Variants in SRP54 observed in about 807,000 individuals in gnomAD.
SRP54 encodes the protein signal recognition particle subunit SRP54.
Under a neutral mutation model 64.8 loss-of-function variants are expected in SRP54, and 10 were observed. That is an observed-to-expected ratio of 0.15 (90% CI 0.10 to 0.26). The LOEUF (loss-of-function observed/expected upper bound fraction) is 0.26, where lower values mean the gene tolerates loss of function less well. Ranked by LOEUF, SRP54 falls within the 10% of genes least tolerant of loss-of-function variation. The probability of loss-of-function intolerance (pLI) is 1.00; values close to 1 mark genes in which losing one functional copy is unlikely to be tolerated. For missense variants in SRP54, 325 were observed against 613.7 expected (o/e 0.53, Z 4.97); for synonymous variants, 193 against 185.6 (o/e 1.04, Z -0.32).
At chr14:35,019,301 G>T in intron 13 of SRP54, 1 of 348,944 alleles carries the variant, frequency 2.9e-6, no homozygotes, top group Non-Finnish European at 5.4e-6. Flanking sequence ...TGAGTTACAA[G>T]GAAAGAACAC....
intron 2 of SRP54, among the ~76,000 whole-genome samples, chr14:34,997,791 A>G (rs12435454): frequency 0.17 from 26,009 of 152,080 alleles, 2,398 homozygotes; most frequent in East Asian, 0.31. Context: ...TTTTTTTCCT[A>G]GTTCCTCATA....
At chr14:35,009,680 CAAAG>C (rs2044324183) in intron 7 of SRP54, among the ~76,000 whole-genome samples, 1 of 151,972 alleles carries the variant, frequency 6.6e-6, no homozygotes, top group African/African-American at 2.4e-5. Context: ...AACATAGTGT[CAAAG>C]AAGAAACATT....
chr14:35,020,164 G>A (rs180897428), intron 13 of SRP54, among the ~76,000 whole-genome samples: 17 of 151,836 alleles, frequency 1.1e-4, no homozygotes, highest in East Asian at 3.9e-4. Flanking sequence ...CAGCCTGGGC[G>A]ACAGAGTGAG....
At chr14:34,986,660 A>G (rs1417957750) in intron 1 of SRP54, among the ~76,000 whole-genome samples, 1 of 152,052 alleles carries the variant, frequency 6.6e-6, no homozygotes, top group Non-Finnish European at 1.5e-5. Flanking sequence ...CGGGTGGATC[A>G]TGATGTCAGG....
At chr14:35,015,217 C>T (rs45531432) in intron 11 of SRP54, among the ~76,000 whole-genome samples, 25,968 of 152,016 alleles carry the variant, frequency 0.17, 2,395 homozygotes, top group East Asian at 0.31. Context: ...GCTGGGATTA[C>T]GGGCACGTAC....
In SRP54 at chr14:35,014,762, G is replaced by A. The variant is rs1375522228; in HGVS notation, c.905G>A (p.Gly302Glu). Reference protein sequence around the residue: ...SKLLGMGDIEGLIDKVNELKL... With the variant: ...SKLLGMGDIEELIDKVNELKL... ...CTTATAGGTATGGGCGACATTGAAGGACTGATAGATAAAGTCAACGAGTTG... is the reference window on the plus strand; with the variant it reads ...CTTATAGGTATGGGCGACATTGAAGAACTGATAGATAAAGTCAACGAGTTG... Residue 302 changes from glycine (G) to glutamate (E), a missense_variant, in exon 11 of 16, where the codon GGA (glycine) becomes GAA (glutamate). Coordinates refer to ENST00000216774, the MANE Select transcript of SRP54 (RefSeq NM_003136.4). 6.2e-7 allele frequency: 1 copy of A among 1,613,676 alleles called. No homozygotes were observed. The highest frequency in any genetic ancestry group is 8.5e-7 in the Non-Finnish European group (1 of 1,179,946).
chr14:34,998,969 GTGTA>G (rs200571057), intron 2 of SRP54, among the ~76,000 whole-genome samples: 2,344 of 81,320 alleles, frequency 0.029, 136 homozygotes, highest in South Asian at 0.068. Flanking sequence ...ATTACTTTGT[GTGTA>G]TGTGTGTGTG....
intron 7 of SRP54, among the ~76,000 whole-genome samples, chr14:35,009,872 A>G (rs1042358035): frequency 6.6e-6 from 1 of 152,102 alleles, no homozygotes; most frequent in Non-Finnish European, 1.5e-5. Flanking sequence ...TACAAAAAAT[A>G]AATTTAAAAA....
chr14:34,998,587 G>A (rs1284078540), intron 2 of SRP54, among the ~76,000 whole-genome samples: 2 of 151,944 alleles, frequency 1.3e-5, no homozygotes, highest in Non-Finnish European at 2.9e-5. Context: ...TGAGGCGGGC[G>A]GATCACCTGA....
intron 13 of SRP54, 28 bp downstream of exon 13, chr14:35,019,102 C>A: frequency 6.7e-7 from 1 of 1,501,254 alleles, no homozygotes. Flanking sequence ...TTTCCTCAGG[C>A]AAAAATGTTC....
intron 11 of SRP54, among the ~76,000 whole-genome samples, chr14:35,017,712 A>G (rs1272818139): frequency 6.6e-6 from 1 of 152,238 alleles, no homozygotes; most frequent in Non-Finnish European, 1.5e-5. Flanking sequence ...CTCAAATCCT[A>G]AGGATACCTT....
At chr14:34,996,836 C>T in intron 2 of SRP54, 49 bp downstream of exon 2, 1 of 1,299,882 alleles carries the variant, frequency 7.7e-7, no homozygotes, top group Non-Finnish European at 1.1e-6. Context: ...TTGTCACTAG[C>T]ATTGGGAAGA....
intron 1 of SRP54, among the ~76,000 whole-genome samples, chr14:34,985,894 G>A (rs2043887708): frequency 1.3e-5 from 2 of 152,102 alleles, no homozygotes; most frequent in South Asian, 4.1e-4. Context: ...TTGAAATAAC[G>A]CATTGCTTGA....
At chr14:35,010,128 A>G (rs2044332051) in intron 7 of SRP54, among the ~76,000 whole-genome samples, 1 of 151,642 alleles carries the variant, frequency 6.6e-6, no homozygotes, top group African/African-American at 2.4e-5. Context: ...AGCCTGGGTG[A>G]CAGAGCTAGA....
chr14:35,010,953 T>A (rs1371764182), intron 7 of SRP54, among the ~76,000 whole-genome samples: 1 of 152,216 alleles, frequency 6.6e-6, no homozygotes, highest in Non-Finnish European at 1.5e-5. Context: ...CATGCCATGG[T>A]CTTGCTCTGT....
At chr14:35,006,371 C>T (rs951185034) in intron 4 of SRP54, among the ~76,000 whole-genome samples, 11 of 152,222 alleles carry the variant, frequency 7.2e-5, no homozygotes, top group Non-Finnish European at 1.2e-4. Context: ...TTAGCACTCT[C>T]GAGTATGGCA....
intron 7 of SRP54, among the ~76,000 whole-genome samples, chr14:35,009,197 T>C (rs2044315635): frequency 6.6e-6 from 1 of 151,762 alleles, no homozygotes. Flanking sequence ...CATGCCCTGC[T>C]AATTTTTTTA....
intron 10 of SRP54, 92 bp from the exon 11 acceptor site, chr14:35,014,652 C>T (rs2044409404): frequency 2.0e-6 from 2 of 980,406 alleles, no homozygotes; most frequent in Non-Finnish European, 3.1e-6. Flanking sequence ...CTATTATAAC[C>T]TCACAAGGTT....
intron 1 of SRP54, among the ~76,000 whole-genome samples, chr14:34,986,628 C>T (rs774414243): frequency 6.6e-6 from 1 of 151,992 alleles, no homozygotes; most frequent in Non-Finnish European, 1.5e-5. Context: ...GCCTGTAATC[C>T]CAGCACTTTG....
Sources: allele counts gnomAD v4.1 joint callset (sites outside exome capture counted in the v4.1 genomes callset), GRCh38; gene constraint gnomAD v4.1.1; transcripts MANE v1.5; gene names NCBI Gene and HGNC (gene_info 2026-07-23, HGNC 2026-07-21).